DOCK2: variants seen among roughly 807,000 people sequenced by gnomAD.
DOCK2 encodes dedicator of cytokinesis 2.
DOCK2 carries 87 observed loss-of-function variants against 248.9 expected under a neutral mutation model. That is an observed-to-expected ratio of 0.35 (90% CI 0.29 to 0.42). The LOEUF is 0.42. Ranked by LOEUF, DOCK2 falls within the 10% of genes least tolerant of loss-of-function variation. DOCK2 has a pLI of 1.00. For synonymous variants in DOCK2, 805 were observed against 821.6 expected (o/e 0.98, Z 0.35); for missense variants, 1,747 against 2,300.2 (o/e 0.76, Z 4.92).
chr5:169,817,722 C>T (rs1368893908), intron 26 of DOCK2, among the ~76,000 whole-genome samples: 2 of 152,226 alleles, frequency 1.3e-5, no homozygotes, highest in Admixed American at 6.5e-5. Context: ...AGAAAGTGCT[C>T]TTCTGTGGGT....
intron 27 of DOCK2, among the ~76,000 whole-genome samples, chr5:169,942,264 T>G (rs948115676): frequency 6.6e-6 from 1 of 152,226 alleles, no homozygotes; most frequent in Non-Finnish European, 1.5e-5. Flanking sequence ...TTCCTTGGTC[T>G]ATTCTCTCTC....
intron 30 of DOCK2, among the ~76,000 whole-genome samples, chr5:170,003,980 A>G (rs1404056978): frequency 6.8e-6 from 1 of 147,442 alleles, no homozygotes; most frequent in African/African-American, 2.7e-5. Flanking sequence ...CTGATCCACT[A>G]AGAAGATGAG....
chr5:169,686,672 C>G (rs6897463), intron 8 of DOCK2, among the ~76,000 whole-genome samples: 2 of 152,150 alleles, frequency 1.3e-5, no homozygotes, highest in African/African-American at 4.8e-5. Context: ...TAGCCAGGAT[C>G]GACATACAGT....
chr5:170,055,268 G>C (rs538442713), intron 41 of DOCK2, 37 bp from the exon 42 acceptor site: 2 of 1,605,126 alleles, frequency 1.2e-6, no homozygotes, highest in African/African-American at 1.3e-5. Flanking sequence ...TGTCCCCGCA[G>C]CCAACAGATA....
intron 27 of DOCK2, among the ~76,000 whole-genome samples, chr5:169,921,702 T>C (rs748055858): frequency 2.8e-4 from 42 of 152,280 alleles, no homozygotes; most frequent in Middle Eastern, 3.4e-3. Context: ...GTTTTGGAGA[T>C]GGGATTGCAT....
intron 1 of DOCK2, among the ~76,000 whole-genome samples, chr5:169,649,880 T>G (rs1757703985): frequency 6.6e-6 from 1 of 151,992 alleles, no homozygotes; most frequent in Non-Finnish European, 1.5e-5. Context: ...CTCGGCTGAC[T>G]GCAACCTCTG....
At chr5:170,076,597 C>T (rs1361575373) in intron 47 of DOCK2, among the ~76,000 whole-genome samples, 1 of 152,206 alleles carries the variant, frequency 6.6e-6, no homozygotes, top group Non-Finnish European at 1.5e-5. Flanking sequence ...CTAAAGAGGC[C>T]ATGAGCCTGG....
At chr5:169,740,815 G>A (rs1006442062) in intron 22 of DOCK2, among the ~76,000 whole-genome samples, 20 of 152,096 alleles carry the variant, frequency 1.3e-4, no homozygotes, top group Non-Finnish European at 2.6e-4. Flanking sequence ...GAATTTCTCT[G>A]ACCACTGTGT....
chr5:169,811,807 C>G (rs1767777468), intron 26 of DOCK2, among the ~76,000 whole-genome samples: 1 of 152,200 alleles, frequency 6.6e-6, no homozygotes, highest in Non-Finnish European at 1.5e-5. Context: ...AACAGCCTCT[C>G]AGGCACCACG....
Position 169,811,698 on chromosome 5 carries a change from G to A in DOCK2, c.2703+8492G>A, listed in dbSNP as rs549246644. Among the ~76,000 whole-genome samples, 9 of 152,314 alleles carry A rather than the reference G, an allele frequency of 5.9e-5. No individual in the cohort carries two copies. In the South Asian group the frequency reaches 1.9e-3, roughly 32 times the overall value. The stretch of plus-strand genomic sequence containing the variant: ...GTGTGTGTTCTTATACGACACAGTT[G>A]TTTGTTTCTGGTGCCAAAGTGGCAA... On this transcript the variant is annotated intron_variant, in intron 26 of 51. Coordinates refer to ENST00000520908, the MANE Select transcript of DOCK2 (RefSeq NM_004946.3).
intron 8 of DOCK2, among the ~76,000 whole-genome samples, chr5:169,687,770 C>T (rs1041001492): frequency 1.3e-5 from 2 of 152,132 alleles, no homozygotes; most frequent in South Asian, 2.1e-4. Context: ...AAGGATCGTA[C>T]GTTAGAACCA....
At chr5:169,741,041 T>A (rs1292641233) in intron 22 of DOCK2, among the ~76,000 whole-genome samples, 1 of 152,154 alleles carries the variant, frequency 6.6e-6, no homozygotes, top group Non-Finnish European at 1.5e-5. Context: ...CCCAGGTTGG[T>A]CTTGAACTCC....
In DOCK2 at chr5:170,083,078, G is replaced by A. The variant is rs1035075480; in HGVS notation, c.*220G>A. ...TCATGGTGGATGAGGAAGCCTCAACGTAGATTCCTGAACTCAAGGTACCAG... is the reference window on the plus strand; with the variant it reads ...TCATGGTGGATGAGGAAGCCTCAACATAGATTCCTGAACTCAAGGTACCAG... On this transcript the variant is annotated 3_prime_UTR_variant, in exon 52 of 52. Coordinates refer to ENST00000520908, the MANE Select transcript of DOCK2 (RefSeq NM_004946.3). 9.0e-5 allele frequency: 51 copies of A among 567,126 alleles called. No homozygotes were observed. Among genetic ancestry groups the A allele is most frequent in the South Asian group, 3.1e-4 (14 of 44,944 alleles). 35.1% of individuals were successfully genotyped at this position (567,126 alleles called of 1,614,324 possible). A position where few individuals can be genotyped will look rare whatever the true frequency, so the allele number is the denominator to read the frequency against.
At chr5:169,660,348 TAAAC>T (rs1014269119) in intron 2 of DOCK2, among the ~76,000 whole-genome samples, 15 of 152,012 alleles carry the variant, frequency 9.9e-5, no homozygotes, top group African/African-American at 3.6e-4. Flanking sequence ...AATAAATAAA[TAAAC>T]AAACAAATAA....
At chr5:169,933,840 A>G (rs1422451833) in intron 27 of DOCK2, among the ~76,000 whole-genome samples, 1 of 152,174 alleles carries the variant, frequency 6.6e-6, no homozygotes, top group Admixed American at 6.5e-5. Flanking sequence ...GCTGGCGTCC[A>G]GACTTACTGT....
chr5:169,874,410 CAAAA>C (rs34525811), intron 27 of DOCK2, among the ~76,000 whole-genome samples: 2 of 72,030 alleles, frequency 2.8e-5, no homozygotes, highest in Non-Finnish European at 5.0e-5. Context: ...GACTCTGTCT[CAAAA>C]AAAAAAAAAA....
intron 27 of DOCK2, among the ~76,000 whole-genome samples, chr5:169,870,589 T>A (rs1211602199): frequency 6.6e-6 from 1 of 152,042 alleles, no homozygotes; most frequent in East Asian, 1.9e-4. Flanking sequence ...TTTTTTTAAT[T>A]TTTTGATTTT....
intron 30 of DOCK2, among the ~76,000 whole-genome samples, chr5:170,004,449 A>G (rs996908006): frequency 6.6e-6 from 1 of 151,988 alleles, no homozygotes; most frequent in African/African-American, 2.4e-5. Context: ...TTTTTCATGT[A>G]TTTTTTGGCT....
At chr5:169,712,261 T>C (rs1056994660) in intron 17 of DOCK2, 38 bp downstream of exon 17, 48 of 1,599,538 alleles carry the variant, frequency 3.0e-5, no homozygotes, top group Non-Finnish European at 3.9e-5. Context: ...CTGAGGGGAG[T>C]GCAGGAAGAA....
Sources: allele counts gnomAD v4.1 joint callset (sites outside exome capture counted in the v4.1 genomes callset), GRCh38; gene constraint gnomAD v4.1.1; transcripts MANE v1.5; gene names NCBI Gene and HGNC (gene_info 2026-07-23, HGNC 2026-07-21).